HMGB1: variants seen among roughly 807,000 people sequenced by gnomAD.
The protein encoded by HMGB1 is high mobility group box 1.
For synonymous variants in HMGB1, 81 were observed against 84.0 expected, an observed-to-expected ratio of 0.96 and a Z score of 0.19; for missense variants, 79 against 253.5, an observed-to-expected ratio of 0.31 and a Z score of 4.67.
chr13:30,468,693 C>A (rs1337424322), upstream of HMGB1, among the ~76,000 whole-genome samples: 1 of 152,110 alleles, frequency 6.6e-6, no homozygotes, highest in Non-Finnish European at 1.5e-5. Context: ...GCAGGCAATT[C>A]ATTTCTTATA....
intron 1 of HMGB1, among the ~76,000 whole-genome samples, chr13:30,492,060 C>T (rs903879144): frequency 5.3e-5 from 8 of 151,710 alleles, no homozygotes; most frequent in African/African-American, 1.9e-4. Flanking sequence ...CCCAGCTACT[C>T]GGGAGGCTGA....
intron 1 of HMGB1, among the ~76,000 whole-genome samples, chr13:30,530,186 T>C (rs750609905): frequency 6.6e-6 from 1 of 152,236 alleles, no homozygotes; most frequent in Non-Finnish European, 1.5e-5. Context: ...ACCTGACTTC[T>C]TGTGATGGGT....
intron 1 of HMGB1, among the ~76,000 whole-genome samples, chr13:30,548,461 C>A (rs1464741599): frequency 6.6e-6 from 1 of 152,196 alleles, no homozygotes; most frequent in Non-Finnish European, 1.5e-5. Flanking sequence ...TGGACTAATA[C>A]AGCACCTGAC....
At chr13:30,567,019 T>A (rs1479664762) in intron 1 of HMGB1, among the ~76,000 whole-genome samples, 1 of 152,210 alleles carries the variant, frequency 6.6e-6, no homozygotes, top group African/African-American at 2.4e-5. Flanking sequence ...GTGGGGAGCT[T>A]GCTATGCAAG....
At chr13:30,516,100 T>C (rs979977668) in intron 1 of HMGB1, among the ~76,000 whole-genome samples, 2 of 152,306 alleles carry the variant, frequency 1.3e-5, no homozygotes, top group East Asian at 3.9e-4. Flanking sequence ...AATCTACCCA[T>C]TTAATTTTTT....
At chr13:30,464,761 T>TGTGTGTG (rs1886625525) in intron 1 of HMGB1, 8 of 164,398 alleles carry the variant, frequency 4.9e-5, no homozygotes, top group Non-Finnish European at 9.0e-5. Flanking sequence ...CTCCTTCCCT[T>TGTGTGTG]TGTGTGTGTG....
Position 30,565,171 on chromosome 13 carries a change from C to G in HMGB1, c.-15+51500G>C, listed in dbSNP as rs141212385. 3.8e-4 allele frequency among the ~76,000 whole-genome samples: 58 copies of G among 152,284 alleles called. No homozygotes were observed. The East Asian group carries it at 0.011, about 28-fold the overall frequency. ...AATCCAAGTGTGACCAGGTTCATAT[C>G]AAGCTTCCATTTTTGAATTTATATT... On this transcript the variant is annotated intron_variant, in intron 1 of 4. Transcript: ENST00000405805.
At position 30,602,131 on chromosome 13, in the gene HMGB1, C is replaced by T. The variant is rs374241138; in HGVS notation, c.-15+14540G>A. 5.3e-5 allele frequency among the ~76,000 whole-genome samples: 8 copies of T among 151,954 alleles called. No homozygotes were observed. In the East Asian group the frequency reaches 7.7e-4, roughly 15 times the overall value. ...AGCACCACAGCCTCAGACATGTCAC[C>T]GGGGACACCAGCACCACAGCCTCAG... On this transcript the variant is annotated intron_variant, in intron 1 of 4. Transcript: ENST00000405805.
chr13:30,482,647 G>A (rs553008090), intron 1 of HMGB1, among the ~76,000 whole-genome samples: 58 of 152,116 alleles, frequency 3.8e-4, no homozygotes, highest in Middle Eastern at 3.4e-3. Flanking sequence ...TCTCTTTCCC[G>A]TTCTGGCCTT....
At chr13:30,463,123 T>C (rs1886464654) in intron 3 of HMGB1, 84 bp downstream of exon 3, 1 of 1,341,196 alleles carries the variant, frequency 7.5e-7, no homozygotes, top group Non-Finnish European at 1.0e-6. Context: ...ATTTACACTC[T>C]AAACTGACAA....
At position 30,548,580 on chromosome 13, in the gene HMGB1, A is replaced by T. The variant is rs76154115; in HGVS notation, c.-15+68091T>A. The stretch of plus-strand genomic sequence containing the variant: ...TGTGCCTCTTTCCAAAAGATAAATT[A>T]CAAGCATTGTTACAAAATAAAAGAG... On this transcript the variant is annotated intron_variant, in intron 1 of 4. Coordinates refer to the HMGB1 transcript ENST00000405805. 9.2e-3 allele frequency among the ~76,000 whole-genome samples: 1,396 copies of T among 152,332 alleles called. 19 individuals carry two copies. The highest frequency in any genetic ancestry group is 0.032 in the African/African-American group (1,329 of 41,568).
intron 1 of HMGB1, among the ~76,000 whole-genome samples, chr13:30,481,416 G>C (rs968730258): frequency 6.6e-6 from 1 of 152,236 alleles, no homozygotes; most frequent in Non-Finnish European, 1.5e-5. Context: ...GCCTGAGGGA[G>C]ATTGCAAGCA....
At position 30,573,005 on chromosome 13, in the gene HMGB1, G is replaced by A. The variant is rs368422605; in HGVS notation, c.-15+43666C>T. ...TTTCAGTGGTGTAAGCACACCATCAGAATCTCTACTATTTAAAATAATTAA... is the reference window on the plus strand; with the variant it reads ...TTTCAGTGGTGTAAGCACACCATCAAAATCTCTACTATTTAAAATAATTAA... On this transcript the variant is annotated intron_variant, in intron 1 of 4. Transcript: ENST00000405805. Among the ~76,000 whole-genome samples the A allele has an allele frequency of 1.9e-4, 29 of 152,310 alleles. No homozygotes were observed. In the East Asian group the frequency reaches 4.4e-3, roughly 23 times the overall value.
chr13:30,579,113 T>C (rs1870789604), intron 1 of HMGB1, among the ~76,000 whole-genome samples: 1 of 152,218 alleles, frequency 6.6e-6, no homozygotes, highest in Non-Finnish European at 1.5e-5. Context: ...GAACTGTACC[T>C]GAGACATAAT....
chr13:30,538,552 T>TCTTTCTTTC (rs1868618716), intron 1 of HMGB1, among the ~76,000 whole-genome samples: 1 of 105,178 alleles, frequency 9.5e-6, no homozygotes, highest in Admixed American at 8.9e-5. Flanking sequence ...TTTCTTTCTT[T>TCTTTCTTTC]CTTTTTCTTT....
chr13:30,467,604 A>T (rs1886827394), upstream of HMGB1, among the ~76,000 whole-genome samples: 1 of 152,218 alleles, frequency 6.6e-6, no homozygotes, highest in East Asian at 1.9e-4. Context: ...TTATGTTATT[A>T]TTTTCACACA....
intron 1 of HMGB1, among the ~76,000 whole-genome samples, chr13:30,577,212 C>A (rs943661650): frequency 1.3e-5 from 2 of 152,032 alleles, no homozygotes; most frequent in South Asian, 4.2e-4. Context: ...CAGTGGTACA[C>A]ACCTGTGGTC....
intron 1 of HMGB1, among the ~76,000 whole-genome samples, chr13:30,553,374 A>G (rs893570605): frequency 6.6e-6 from 1 of 152,234 alleles, no homozygotes; most frequent in Non-Finnish European, 1.5e-5. Flanking sequence ...TGGGAGCCAG[A>G]CAGACCTGAC....
In HMGB1 at chr13:30,569,089, C is replaced by T. The variant is rs1406937795; in HGVS notation, c.-15+47582G>A. The stretch of plus-strand genomic sequence containing the variant: ...ACTCAGGAGGCTGAGGCAGAAGAAT[C>T]GCTTGAACCCAGGAAGTGGAGGTTG... On this transcript the variant is annotated intron_variant, in intron 1 of 4. Coordinates refer to the HMGB1 transcript ENST00000405805. 2.6e-5 allele frequency among the ~76,000 whole-genome samples: 4 copies of T among 152,088 alleles called. No individual in the cohort carries two copies. In the East Asian group the frequency reaches 5.8e-4, roughly 22 times the overall value.
Sources: gnomAD v4.1 joint callset for allele counts (sites outside exome capture counted in the v4.1 genomes callset) on GRCh38, gnomAD v4.1.1 for gene constraint, MANE v1.5 for transcripts, NCBI Gene and HGNC (gene_info 2026-07-23, HGNC 2026-07-21) for gene names.